The following AK4 variants were observed in gnomAD, a reference collection of about 807,000 sequenced individuals.
The protein encoded by AK4 is adenylate kinase 4, mitochondrial.
A neutral mutation model predicts 24.6 loss-of-function variants in AK4; 13 were observed. The observed-to-expected ratio is 0.53, with a 90% CI of 0.34 to 0.84. The LOEUF (loss-of-function observed/expected upper bound fraction) is 0.84, where lower values mean the gene tolerates loss of function less well. AK4 is among the 40% of genes least tolerant of loss of function. The pLI, the probability that AK4 is intolerant of heterozygous loss-of-function variation, is 0.01. For synonymous variants in AK4, 88 were observed against 107.0 expected (o/e 0.82, Z 1.10); for missense variants, 192 against 288.2 (o/e 0.67, Z 2.42).
rs115640526 is a variant in AK4, at chr1:65,162,494, G to A, written c.145+13942G>A. On this transcript the variant is annotated intron_variant, in intron 1 of 4. Coordinates refer to ENST00000327299, the MANE Select transcript of AK4 (RefSeq NM_013410.4). Reference sequence around the variant, plus strand: ...AGGTTGTTACTTTTATTTTTTATACGTAACAGCTATACTGAATATAAAATT... The same window carrying A: ...AGGTTGTTACTTTTATTTTTTATACATAACAGCTATACTGAATATAAAATT... Among the ~76,000 whole-genome samples, 1,185 of 152,052 alleles carry A rather than the reference G, an allele frequency of 7.8e-3. 13 individuals carry two copies. Among genetic ancestry groups the A allele is most frequent in the African/African-American group, 0.027 (1,119 of 41,450 alleles).
rs140314240 is a variant in AK4, at chr1:65,152,123, T to C, written c.145+3571T>C. Among the ~76,000 whole-genome samples, 95 of 152,124 alleles carry C rather than the reference T, an allele frequency of 6.2e-4. 1 individual carries two copies. The East Asian group carries it at 0.018, about 28-fold the overall frequency. ...AATTCTGATATTTAATGATAGATTC[T>C]TTTATTGGGTCATATCTAAAGGATA... On this transcript the variant is annotated intron_variant, in intron 1 of 4. Transcript: ENST00000327299.
At chr1:65,174,719 A>G (rs1337583973) in intron 1 of AK4, among the ~76,000 whole-genome samples, 2 of 152,192 alleles carry the variant, frequency 1.3e-5, no homozygotes, top group East Asian at 1.9e-4. Context: ...CTAGGGAGCT[A>G]CTTGCTGTAG....
chr1:65,156,102 C>T (rs1468388120), intron 1 of AK4, among the ~76,000 whole-genome samples: 1 of 152,102 alleles, frequency 6.6e-6, no homozygotes, highest in African/African-American at 2.4e-5. Flanking sequence ...GAGTTAAGTA[C>T]TCATGTATAA....
chr1:65,202,430 G>C (rs1483895928), intron 2 of AK4, among the ~76,000 whole-genome samples: 2 of 151,844 alleles, frequency 1.3e-5, no homozygotes, highest in Non-Finnish European at 2.9e-5. Context: ...AAATTAACTG[G>C]ATTATTAACC....
chr1:65,210,590 C>T (rs933795760), intron 2 of AK4, among the ~76,000 whole-genome samples: 10 of 152,120 alleles, frequency 6.6e-5, no homozygotes, highest in Non-Finnish European at 1.5e-4. Flanking sequence ...AGGACTTTCT[C>T]CTATGTGAAA....
At chr1:65,172,924 A>G (rs888888618) in intron 1 of AK4, among the ~76,000 whole-genome samples, 5 of 140,082 alleles carry the variant, frequency 3.6e-5, no homozygotes, top group African/African-American at 1.4e-4. Context: ...GTGCAATGAC[A>G]TGATCTGTGC....
Position 65,224,804 on chromosome 1 carries a change from C to T in AK4, c.491C>T (p.Pro164Leu). 6.2e-7 allele frequency: 1 copy of T among 1,613,844 alleles called. No individual in the cohort carries two copies. The highest frequency in any genetic ancestry group is 2.2e-5 in the East Asian group (1 of 44,872). Residue 164 changes from proline (P) to leucine (L), a missense_variant, in exon 4 of 5, where the codon CCC becomes CTC. Transcript: ENST00000327299. The part of the protein sequence containing the change: ...EPLVQQEDDK[P>L]EAVAARLRQY... ...TTAGTCCAGCAGGAGGATGATAAAC[C>T]CGAAGCAGTTGCTGCCAGGCTAAGA...
At chr1:65,170,115 G>C (rs1394530834) in intron 1 of AK4, among the ~76,000 whole-genome samples, 1 of 152,110 alleles carries the variant, frequency 6.6e-6, no homozygotes, top group African/African-American at 2.4e-5. Flanking sequence ...GGTGGCTCAC[G>C]CCTGTAATCC....
At chr1:65,189,845 T>C (rs910946614) in intron 1 of AK4, among the ~76,000 whole-genome samples, 2 of 152,260 alleles carry the variant, frequency 1.3e-5, no homozygotes, top group Non-Finnish European at 2.9e-5. Context: ...CATCCTTTTA[T>C]GAACTTGGCA....
chr1:65,205,346 C>T lies in AK4; in HGVS notation c.266-13408C>T, dbSNP rs1169306783. Among the ~76,000 whole-genome samples the T allele has an allele frequency of 3.9e-5, 6 of 152,154 alleles. No individual in the cohort carries two copies. The East Asian group carries it at 5.8e-4, about 15-fold the overall frequency. ...GCACTCTCAAACTCCTGGATCCTCC[C>T]GCCTCAGCCTCCCAAGTAGCTAGGA... is the stretch of plus-strand genomic sequence containing the variant. On this transcript the variant is annotated intron_variant, in intron 2 of 4. Coordinates refer to ENST00000327299, the MANE Select transcript of AK4 (RefSeq NM_013410.4).
intron 2 of AK4, among the ~76,000 whole-genome samples, chr1:65,206,224 A>G (rs1342739980): frequency 3.3e-5 from 5 of 152,230 alleles, no homozygotes; most frequent in Non-Finnish European, 7.3e-5. Flanking sequence ...CTATATTGCC[A>G]GTACCTATAA....
At chr1:65,165,744 A>G (rs1286630340) in intron 1 of AK4, among the ~76,000 whole-genome samples, 2 of 152,184 alleles carry the variant, frequency 1.3e-5, no homozygotes, top group African/African-American at 2.4e-5. Flanking sequence ...TGGTGCCACA[A>G]CAGTTTAGAT....
intron 1 of AK4, among the ~76,000 whole-genome samples, chr1:65,184,386 T>C (rs1310208653): frequency 6.6e-6 from 1 of 152,246 alleles, no homozygotes; most frequent in Non-Finnish European, 1.5e-5. Context: ...ATCATTGGTG[T>C]TTTGTTTAAT....
At chr1:65,210,572 T>C (rs1275373460) in intron 2 of AK4, among the ~76,000 whole-genome samples, 1 of 152,234 alleles carries the variant, frequency 6.6e-6, no homozygotes, top group Admixed American at 6.5e-5. Flanking sequence ...TTGTCTTTTC[T>C]GTTACCGAGG....
rs1218482830 is a variant in AK4, at chr1:65,211,647, A to G, written c.266-7107A>G. Among the ~76,000 whole-genome samples the G allele has an allele frequency of 1.3e-5, 2 of 152,232 alleles. 1 individual carries two copies. Among genetic ancestry groups the G allele is most frequent in the African/African-American group, 4.8e-5 (2 of 41,460 alleles). On this transcript the variant is annotated intron_variant, in intron 2 of 4. Coordinates refer to ENST00000327299, the MANE Select transcript of AK4 (RefSeq NM_013410.4). ...GGGATAAGGCCTACCTGACAGAATT[A>G]TTGTTACTTTTGAGATAATATTTAC...
chr1:65,211,975 G>A (rs1157104058), intron 2 of AK4, among the ~76,000 whole-genome samples: 1 of 152,204 alleles, frequency 6.6e-6, no homozygotes, highest in Non-Finnish European at 1.5e-5. Flanking sequence ...TGGAAGAGCT[G>A]AGGATACACA....
intron 2 of AK4, among the ~76,000 whole-genome samples, chr1:65,213,492 C>A (rs1349884082): frequency 2.6e-5 from 4 of 152,062 alleles, no homozygotes; most frequent in Admixed American, 2.6e-4. Flanking sequence ...TTAGAAAAAA[C>A]CCAGAAAAGG....
intron 2 of AK4, among the ~76,000 whole-genome samples, chr1:65,197,660 C>T (rs1002079480): frequency 2.0e-5 from 3 of 152,182 alleles, no homozygotes; most frequent in African/African-American, 7.2e-5. Context: ...TGAGATGTTC[C>T]TGGCTACGCA....
chr1:65,172,103 A>ATATATATATATATATATATAT (rs1553122938), intron 1 of AK4, among the ~76,000 whole-genome samples: 2 of 115,500 alleles, frequency 1.7e-5, no homozygotes, highest in Admixed American at 1.8e-4. Flanking sequence ...ATATATATAT[A>ATATATATATATATATATATAT]TTTAAACTCA....
Sources: allele counts gnomAD v4.1 joint callset (sites outside exome capture counted in the v4.1 genomes callset), GRCh38; gene constraint gnomAD v4.1.1; transcripts MANE v1.5; gene names NCBI Gene and HGNC (gene_info 2026-07-23, HGNC 2026-07-21).